Variants in CLVS1 observed in about 807,000 individuals in gnomAD.
CLVS1 encodes clavesin 1.
Under a neutral mutation model 33.1 loss-of-function variants are expected in CLVS1, and 10 were observed. The observed-to-expected ratio is 0.30, with a 90% CI of 0.19 to 0.51. The LOEUF is 0.51. Among genes scored for constraint, CLVS1 ranks in the 20% least tolerant of loss-of-function variants. The pLI is 0.97. For missense variants in CLVS1, 343 were observed against 433.4 expected (o/e 0.79, Z 1.85); for synonymous variants, 163 against 166.1 (o/e 0.98, Z 0.14).
intron 2 of CLVS1, among the ~76,000 whole-genome samples, chr8:61,305,766 T>C (rs962398207): frequency 6.6e-6 from 1 of 152,216 alleles, no homozygotes; most frequent in African/African-American, 2.4e-5. Flanking sequence ...TGTCCATGTG[T>C]TCTCAACATT....
intron 1 of CLVS1, among the ~76,000 whole-genome samples, chr8:61,123,467 A>C (rs959167648): frequency 1.3e-5 from 2 of 152,224 alleles, no homozygotes; most frequent in East Asian, 3.8e-4. Flanking sequence ...ACTAAGCTAA[A>C]AATTATATGT....
At chr8:61,004,720 G>A in the CLVS1 span, among the ~76,000 whole-genome samples, 1 of 152,286 alleles carries the variant, frequency 6.6e-6, no homozygotes, top group African/African-American at 2.4e-5. Context: ...GCAGGGCTGC[G>A]GGGGAGCTGG....
At chr8:61,451,595 A>G (rs1367677735) in intron 3 of CLVS1, among the ~76,000 whole-genome samples, 1 of 152,142 alleles carries the variant, frequency 6.6e-6, no homozygotes, top group East Asian at 1.9e-4. Flanking sequence ...CTTGAGATAC[A>G]TCTGCTCTAG....
At chr8:61,223,232 G>C (rs1808258849) in intron 2 of CLVS1, among the ~76,000 whole-genome samples, 1 of 152,102 alleles carries the variant, frequency 6.6e-6, no homozygotes, top group East Asian at 1.9e-4. Context: ...GATGCTATTT[G>C]GTTATTTTGC....
At position 61,262,441 on chromosome 8, in the gene CLVS1, T is replaced by G. The variant is rs73684479; in HGVS notation, c.-151-37236T>G. On this transcript the variant is annotated intron_variant, in intron 2 of 2. Transcript: ENST00000522621. Reference sequence around the variant, plus strand: ...ATCTCAGATACTCAGCAGGCAGAAGTAGGAGGATTGCTTGAGCTGAGAAGT... The same window carrying G: ...ATCTCAGATACTCAGCAGGCAGAAGGAGGAGGATTGCTTGAGCTGAGAAGT... 9.7e-3 allele frequency among the ~76,000 whole-genome samples: 1,469 copies of G among 152,086 alleles called. 24 individuals are homozygous for G. The highest frequency in any genetic ancestry group is 0.032 in the African/African-American group (1,314 of 41,468).
At chr8:61,209,247 C>A (rs1807923065) in intron 2 of CLVS1, among the ~76,000 whole-genome samples, 2 of 152,184 alleles carry the variant, frequency 1.3e-5, no homozygotes, top group African/African-American at 2.4e-5. Context: ...AATCTTTGGG[C>A]ACCCAGCTGT....
intron 1 of CLVS1, among the ~76,000 whole-genome samples, chr8:61,083,792 T>C (rs1370437087): frequency 6.6e-6 from 1 of 151,596 alleles, no homozygotes; most frequent in Non-Finnish European, 1.5e-5. Flanking sequence ...AAAGAATAAT[T>C]GAGTACATGG....
chr8:61,121,189 C>T (rs1156553660), intron 1 of CLVS1, among the ~76,000 whole-genome samples: 1 of 152,034 alleles, frequency 6.6e-6, no homozygotes, highest in African/African-American at 2.4e-5. Flanking sequence ...CTCCCTGACC[C>T]CTTGCGCTTC....
At chr8:61,045,932 G>A in the CLVS1 span, among the ~76,000 whole-genome samples, 1 of 152,150 alleles carries the variant, frequency 6.6e-6, no homozygotes, top group Non-Finnish European at 1.5e-5. Context: ...CTCCCATTTT[G>A]TAGGTTGCCT....
chr8:61,483,736 A>G (rs1033438515), intron 5 of CLVS1, among the ~76,000 whole-genome samples: 10 of 152,254 alleles, frequency 6.6e-5, no homozygotes, highest in African/African-American at 2.2e-4. Flanking sequence ...AGCACATCAA[A>G]GAGCTTATCC....
chr8:61,434,715 G>A (rs1393888162), intron 3 of CLVS1, among the ~76,000 whole-genome samples: 1 of 152,178 alleles, frequency 6.6e-6, no homozygotes, highest in African/African-American at 2.4e-5. Flanking sequence ...AAAGGATTGT[G>A]GGGACCAAGT....
intron 2 of CLVS1, among the ~76,000 whole-genome samples, chr8:61,193,670 G>T (rs1342205081): frequency 6.6e-6 from 1 of 151,838 alleles, no homozygotes; most frequent in African/African-American, 2.4e-5. Context: ...AAACTATCAA[G>T]AATGAAGGTA....
chr8:61,084,192 A>G (rs1444513015), intron 1 of CLVS1, among the ~76,000 whole-genome samples: 2 of 152,220 alleles, frequency 1.3e-5, no homozygotes, highest in Non-Finnish European at 2.9e-5. Context: ...TATATCGTCC[A>G]TTAAAATTTG....
chr8:61,444,635 G>A (rs1437106128), intron 3 of CLVS1, among the ~76,000 whole-genome samples: 1 of 152,210 alleles, frequency 6.6e-6, no homozygotes, highest in African/African-American at 2.4e-5. Context: ...TAGAAACAGG[G>A]AGCATTCCAC....
chr8:61,032,661 C>T, the CLVS1 span, among the ~76,000 whole-genome samples: 1 of 152,092 alleles, frequency 6.6e-6, no homozygotes, highest in Non-Finnish European at 1.5e-5. Context: ...TGAAGCGCCT[C>T]TTCCATTTAA....
chr8:61,185,609 G>T (rs1338543617), intron 2 of CLVS1, among the ~76,000 whole-genome samples: 1 of 151,848 alleles, frequency 6.6e-6, no homozygotes, highest in Non-Finnish European at 1.5e-5. Flanking sequence ...GTATATTTCT[G>T]ACTTTTTAAA....
chr8:61,268,263 G>A (rs1257677086), intron 2 of CLVS1, among the ~76,000 whole-genome samples: 11 of 150,390 alleles, frequency 7.3e-5, no homozygotes, highest in Middle Eastern at 3.4e-3. Flanking sequence ...GAGAATATGC[G>A]GTGTTTGGTT....
chr8:60,966,425 A>G, the CLVS1 span: 2 of 454,998 alleles, frequency 4.4e-6, no homozygotes, highest in South Asian at 3.1e-5. Context: ...GGTCACTGCT[A>G]TGGCGGGTGG....
At chr8:60,987,760 G>C in the CLVS1 span, among the ~76,000 whole-genome samples, 9,905 of 152,122 alleles carry the variant, frequency 0.065, 385 homozygotes, top group African/African-American at 0.086. Flanking sequence ...ATGGAGGAAA[G>C]AGGATGTAAT....
Sources: gnomAD v4.1 joint callset for allele counts (sites outside exome capture counted in the v4.1 genomes callset) on GRCh38, gnomAD v4.1.1 for gene constraint, MANE v1.5 for transcripts, NCBI Gene and HGNC (gene_info 2026-07-23, HGNC 2026-07-21) for gene names.